The following ANKRD17 variants were observed in gnomAD, a reference collection of about 807,000 sequenced individuals.
ANKRD17 encodes the protein ankyrin repeat domain-containing protein 17.
A neutral mutation model predicts 229.7 loss-of-function variants in ANKRD17; 19 were observed. The ratio of observed to expected loss-of-function variants is 0.08; its 90% confidence interval spans 0.06 to 0.12. The LOEUF is 0.12. Among genes scored for constraint, ANKRD17 ranks in the 10% least tolerant of loss-of-function variants. The pLI is 1.00. For synonymous variants in ANKRD17, 1,112 were observed against 1,146.1 expected (o/e 0.97, Z 0.60); for missense variants, 2,176 against 3,176.8 (o/e 0.68, Z 7.57).
At chr4:73,112,562 TAC>T in intron 24 of ANKRD17, 1 of 476,564 alleles carries the variant, frequency 2.1e-6, no homozygotes, top group Non-Finnish European at 2.7e-6. Flanking sequence ...CAAAATAAAA[TAC>T]ATTTTTTCAG....
intron 10 of ANKRD17, among the ~76,000 whole-genome samples, chr4:73,145,741 C>T (rs1730186156): frequency 6.6e-6 from 1 of 152,100 alleles, no homozygotes; most frequent in East Asian, 1.9e-4. Flanking sequence ...TTATTATATA[C>T]GTTCTATTCT....
intron 30 of ANKRD17, among the ~76,000 whole-genome samples, chr4:73,079,885 C>T (rs763125145): frequency 1.4e-4 from 21 of 152,110 alleles, no homozygotes; most frequent in Non-Finnish European, 2.4e-4. Context: ...GAGGCCAAGG[C>T]GGGCGGATCA....
At chr4:73,221,337 C>T (rs999020891) in intron 1 of ANKRD17, among the ~76,000 whole-genome samples, 4 of 151,672 alleles carry the variant, frequency 2.6e-5, no homozygotes, top group African/African-American at 9.7e-5. Flanking sequence ...TAATAAAAAG[C>T]CAGTTGTTCA....
At chr4:73,179,501 T>TATAC (rs1374555173) in intron 1 of ANKRD17, among the ~76,000 whole-genome samples, 4 of 78,272 alleles carry the variant, frequency 5.1e-5, no homozygotes, top group Non-Finnish European at 1.1e-4. Flanking sequence ...TATATATATA[T>TATAC]ATATATATAT....
intron 30 of ANKRD17, among the ~76,000 whole-genome samples, chr4:73,079,449 G>A (rs1011044187): frequency 6.6e-6 from 1 of 152,004 alleles, no homozygotes; most frequent in Non-Finnish European, 1.5e-5. Flanking sequence ...CTAGAGTGCA[G>A]AGGCTCGATC....
intron 2 of ANKRD17, among the ~76,000 whole-genome samples, chr4:73,161,688 A>G (rs1439200765): frequency 6.6e-6 from 1 of 152,204 alleles, no homozygotes; most frequent in Non-Finnish European, 1.5e-5. Context: ...TAAGCTATTT[A>G]GCCACTTTTG....
intron 21 of ANKRD17, among the ~76,000 whole-genome samples, chr4:73,119,191 T>C (rs1726389664): frequency 6.6e-6 from 1 of 152,108 alleles, no homozygotes; most frequent in Admixed American, 6.5e-5. Flanking sequence ...TAGCCTAGCA[T>C]TGTCTTAAAT....
chr4:73,113,116 G>A (rs1429046959), intron 24 of ANKRD17: 1 of 1,214,020 alleles, frequency 8.2e-7, no homozygotes, highest in African/African-American at 1.6e-5. Context: ...GATGAGATAT[G>A]GCAGTTCCAT....
intron 1 of ANKRD17, among the ~76,000 whole-genome samples, chr4:73,236,367 G>C (rs149016790): frequency 6.6e-6 from 1 of 152,040 alleles, no homozygotes; most frequent in Non-Finnish European, 1.5e-5. Flanking sequence ...TTGACCAGGA[G>C]AGTCTCAAAC....
intron 16 of ANKRD17, among the ~76,000 whole-genome samples, chr4:73,133,389 G>GTTTTTT (rs1232065955): frequency 8.1e-6 from 1 of 123,202 alleles, no homozygotes; most frequent in Non-Finnish European, 1.7e-5. Context: ...AATGTCTCGT[G>GTTTTTT]TTTTTTTTTT....
intron 1 of ANKRD17, among the ~76,000 whole-genome samples, chr4:73,215,907 T>C (rs1740965902): frequency 6.6e-6 from 1 of 152,148 alleles, no homozygotes; most frequent in Non-Finnish European, 1.5e-5. Context: ...AGACTGAATA[T>C]GACAGCAGAT....
chr4:73,123,991 C>A (rs1250233156), intron 18 of ANKRD17, among the ~76,000 whole-genome samples: 1 of 149,814 alleles, frequency 6.7e-6, no homozygotes, highest in Admixed American at 6.7e-5. Context: ...TTGTTTCACA[C>A]AAAGAATAGG....
intron 11 of ANKRD17, 43 bp downstream of exon 11, chr4:73,144,702 T>C (rs763245556): frequency 7.3e-7 from 1 of 1,366,162 alleles, no homozygotes; most frequent in South Asian, 1.4e-5. Context: ...AAGGCAGGGG[T>C]AGATACCTTT....
intron 1 of ANKRD17, among the ~76,000 whole-genome samples, chr4:73,241,186 T>C (rs756822368): frequency 6.6e-6 from 1 of 152,108 alleles, no homozygotes; most frequent in East Asian, 1.9e-4. Context: ...ATACATAAAA[T>C]AAAGGCATTA....
At chr4:73,096,891 C>T (rs539144189) in intron 27 of ANKRD17, among the ~76,000 whole-genome samples, 2 of 152,260 alleles carry the variant, frequency 1.3e-5, no homozygotes, top group East Asian at 3.9e-4. Flanking sequence ...AAGACACAAT[C>T]TAAAATAGTT....
At chr4:73,250,702 TG>T (rs1409978583) in intron 1 of ANKRD17, among the ~76,000 whole-genome samples, 23 of 150,700 alleles carry the variant, frequency 1.5e-4, no homozygotes, top group African/African-American at 5.6e-4. Flanking sequence ...TTGTTGTTGT[TG>T]TTGTTGTTGT....
intron 1 of ANKRD17, among the ~76,000 whole-genome samples, chr4:73,191,178 CA>C (rs1221244550): frequency 1.3e-5 from 2 of 151,836 alleles, no homozygotes; most frequent in Non-Finnish European, 2.9e-5. Context: ...TGACAATAAC[CA>C]AAACAGTGGA....
intron 1 of ANKRD17, among the ~76,000 whole-genome samples, chr4:73,182,831 T>C (rs1735759099): frequency 6.6e-6 from 1 of 152,214 alleles, no homozygotes; most frequent in Non-Finnish European, 1.5e-5. Context: ...TCTTTGTTGT[T>C]TGGGGCTGTC....
At chr4:73,143,474 G>A (rs1262209865) in intron 11 of ANKRD17, among the ~76,000 whole-genome samples, 1 of 152,056 alleles carries the variant, frequency 6.6e-6, no homozygotes, top group Non-Finnish European at 1.5e-5. Flanking sequence ...GTGAGAAATG[G>A]AAATAAAACA....
Sources: gnomAD v4.1 joint callset for allele counts (sites outside exome capture counted in the v4.1 genomes callset) on GRCh38, gnomAD v4.1.1 for gene constraint, MANE v1.5 for transcripts, NCBI Gene and HGNC (gene_info 2026-07-23, HGNC 2026-07-21) for gene names.